ADARB2: variants seen among roughly 807,000 people sequenced by gnomAD.
ADARB2 encodes the protein adenosine deaminase RNA specific B2 (inactive), also known as inactive double-stranded RNA-specific editase B2.
In ADARB2, 25 loss-of-function variants were observed where a neutral mutation model predicts 62.2. The observed-to-expected ratio is 0.40, with a 90% CI of 0.29 to 0.56. The LOEUF is 0.56. Ranked by LOEUF, ADARB2 falls within the 20% of genes least tolerant of loss-of-function variation. The probability of loss-of-function intolerance (pLI) is 0.43; values close to 1 mark genes in which losing one functional copy is unlikely to be tolerated. For missense variants in ADARB2, 1,071 were observed against 1,077.4 expected (o/e 0.99, Z 0.08); for synonymous variants, 572 against 500.8 (o/e 1.14, Z -1.90).
chr10:1,196,267 A>G (rs1254843976), intron 8 of ADARB2, among the ~76,000 whole-genome samples: 1 of 144,016 alleles, frequency 6.9e-6, no homozygotes, highest in Non-Finnish European at 1.5e-5. Context: ...CCCCTACTGG[A>G]ATGCAATCAC....
At chr10:1,633,088 TTCCTGCTTCTCC>T (rs1306668163) in intron 1 of ADARB2, among the ~76,000 whole-genome samples, 3 of 152,124 alleles carry the variant, frequency 2.0e-5, no homozygotes, top group Non-Finnish European at 4.4e-5. Context: ...TCTCCTGCTT[TTCCTGCTTCTCC>T]TCCTGCTTCT....
chr10:1,690,112 A>G (rs1834650084), intron 1 of ADARB2, among the ~76,000 whole-genome samples: 1 of 152,248 alleles, frequency 6.6e-6, no homozygotes, highest in Non-Finnish European at 1.5e-5. Context: ...ATTCTTGGTC[A>G]AAAGCCACTA....
At chr10:1,734,963 C>CA (rs34519876) in intron 1 of ADARB2, among the ~76,000 whole-genome samples, 13,821 of 152,188 alleles carry the variant, frequency 0.091, 791 homozygotes, top group East Asian at 0.22. Context: ...CAGGAAAATG[C>CA]AAATAATTAT....
intron 1 of ADARB2, among the ~76,000 whole-genome samples, chr10:1,664,342 G>T (rs151147133): frequency 1.3e-5 from 2 of 152,154 alleles, no homozygotes; most frequent in African/African-American, 4.8e-5. Flanking sequence ...TTGCTGAATC[G>T]TATGAACAGA....
chr10:1,493,995 C>A (rs1831656254), intron 1 of ADARB2, among the ~76,000 whole-genome samples: 1 of 151,826 alleles, frequency 6.6e-6, no homozygotes, highest in South Asian at 2.1e-4. Flanking sequence ...ACCTTGTGAT[C>A]CACCTGCCTC....
chr10:1,696,154 ATG>A (rs763437703), intron 1 of ADARB2, among the ~76,000 whole-genome samples: 3 of 148,656 alleles, frequency 2.0e-5, no homozygotes, highest in Non-Finnish European at 4.5e-5. Context: ...TATTGTGTGT[ATG>A]TGTTTGCATG....
intron 1 of ADARB2, among the ~76,000 whole-genome samples, chr10:1,510,049 TTC>T (rs918855545): frequency 3.3e-5 from 5 of 151,436 alleles, no homozygotes; most frequent in East Asian, 1.9e-4. Flanking sequence ...TTTCTCTCTC[TTC>T]TCTCTCTCTC....
chr10:1,683,329 C>T (rs937694274), intron 1 of ADARB2, among the ~76,000 whole-genome samples: 1 of 152,172 alleles, frequency 6.6e-6, no homozygotes, highest in African/African-American at 2.4e-5. Context: ...GAGCACATTT[C>T]GGGGAACATG....
At position 1,363,834 on chromosome 10, in the gene ADARB2, C is replaced by T. The variant is rs3750673; in HGVS notation, c.271G>A (p.Gly91Ser). 5,698 of 1,563,678 alleles carry T rather than the reference C, an allele frequency of 3.6e-3. 119 individuals are homozygous for T. In the East Asian group the frequency reaches 0.057, roughly 16 times the overall value. ...TTCCTCTTCGCGCCGGGCGCGCCGCCCCGGGCCCGGTCCCCGGAGGGCGGT... is the reference window on the plus strand; with the variant it reads ...TTCCTCTTCGCGCCGGGCGCGCCGCTCCGGGCCCGGTCCCCGGAGGGCGGT... ...RPPPSGDRARGGAPGAKRKRP... is the reference protein window; with the variant it reads ...RPPPSGDRARSGAPGAKRKRP... The change falls in exon 3 of 10, where the codon GGC becomes AGC. Residue 91 changes from glycine to serine, a missense_variant. Physicochemically the swap from Gly to Ser is moderately conservative, Grantham distance 56. Transcript: ENST00000381312.
At chr10:1,205,147 C>G (rs1589150720) in intron 7 of ADARB2, among the ~76,000 whole-genome samples, 1 of 152,214 alleles carries the variant, frequency 6.6e-6, no homozygotes, top group East Asian at 1.9e-4. Context: ...CCCAGCTGAT[C>G]TGCCAGGAAA....
At chr10:1,732,099 T>C (rs1305552363) in intron 1 of ADARB2, among the ~76,000 whole-genome samples, 1 of 152,154 alleles carries the variant, frequency 6.6e-6, no homozygotes, top group African/African-American at 2.4e-5. Context: ...ATACTGACAT[T>C]CATTTTCTAC....
intron 1 of ADARB2, among the ~76,000 whole-genome samples, chr10:1,571,916 G>A (rs1350407747): frequency 6.8e-6 from 1 of 146,170 alleles, no homozygotes; most frequent in Non-Finnish European, 1.5e-5. Flanking sequence ...GGAAAGGTGA[G>A]TAGGCAGGTG....
intron 3 of ADARB2, among the ~76,000 whole-genome samples, chr10:1,317,757 G>C (rs992836973): frequency 6.7e-6 from 1 of 148,572 alleles, no homozygotes; most frequent in Non-Finnish European, 1.5e-5. Context: ...AGGCCTGGGG[G>C]GGGGTGGGTC....
intron 1 of ADARB2, among the ~76,000 whole-genome samples, chr10:1,494,444 A>G (rs555556381): frequency 9.0e-4 from 137 of 152,224 alleles, no homozygotes; most frequent in Admixed American, 1.2e-3. Context: ...AGCCATAATA[A>G]TAACACCACC....
At chr10:1,496,969 C>T (rs897188575) in intron 1 of ADARB2, among the ~76,000 whole-genome samples, 1 of 152,118 alleles carries the variant, frequency 6.6e-6, no homozygotes, top group Non-Finnish European at 1.5e-5. Flanking sequence ...TTTATAGCAC[C>T]ATGACCCAGT....
At chr10:1,489,192 T>A (rs551298669) in intron 1 of ADARB2, among the ~76,000 whole-genome samples, 1 of 152,384 alleles carries the variant, frequency 6.6e-6, no homozygotes, top group Admixed American at 6.5e-5. Flanking sequence ...CAACTTCTCA[T>A]GCACTTGTGG....
intron 1 of ADARB2, among the ~76,000 whole-genome samples, chr10:1,730,383 G>A (rs917185350): frequency 1.3e-5 from 2 of 152,144 alleles, no homozygotes; most frequent in African/African-American, 4.8e-5. Context: ...GATTTTGCTT[G>A]TACACAGTGT....
intron 1 of ADARB2, among the ~76,000 whole-genome samples, chr10:1,543,268 C>T (rs558487808): frequency 1.3e-5 from 2 of 152,382 alleles, no homozygotes; most frequent in Admixed American, 6.5e-5. Context: ...GCGCCAGGTC[C>T]TTCCAACTTC....
intron 1 of ADARB2, among the ~76,000 whole-genome samples, chr10:1,497,836 G>C (rs907125236): frequency 6.6e-6 from 1 of 152,048 alleles, no homozygotes; most frequent in Non-Finnish European, 1.5e-5. Flanking sequence ...ATTTGAAGGG[G>C]GTGGAGTTTA....
Sources: allele counts gnomAD v4.1 joint callset (sites outside exome capture counted in the v4.1 genomes callset), GRCh38; gene constraint gnomAD v4.1.1; transcripts MANE v1.5; gene names NCBI Gene and HGNC (gene_info 2026-07-23, HGNC 2026-07-21).